The following SCLT1 variants were observed in gnomAD, a reference collection of about 807,000 sequenced individuals.
SCLT1 encodes sodium channel and clathrin linker 1, also known as sodium channel-associated protein 1.
In SCLT1, 78 loss-of-function variants were observed where a neutral mutation model predicts 112.8. The observed-to-expected ratio is 0.69, with a 90% CI of 0.58 to 0.83. SCLT1 has a LOEUF of 0.83. SCLT1 is among the 40% of genes least tolerant of loss of function. The pLI, the probability that SCLT1 is intolerant of heterozygous loss-of-function variation, is 0.00. For synonymous variants in SCLT1, 257 were observed against 254.7 expected (o/e 1.01, Z -0.09); for missense variants, 747 against 770.4 (o/e 0.97, Z 0.36).
chr4:129,055,602 T>G (rs1399135730), intron 2 of SCLT1, among the ~76,000 whole-genome samples: 1 of 152,062 alleles, frequency 6.6e-6, no homozygotes, highest in Admixed American at 6.6e-5. Flanking sequence ...CAAGTCTCAG[T>G]AATGGTGGAT....
intron 2 of SCLT1, among the ~76,000 whole-genome samples, chr4:129,078,147 A>G (rs559511013): frequency 6.6e-6 from 1 of 152,244 alleles, no homozygotes; most frequent in African/African-American, 2.4e-5. Flanking sequence ...TTAGCTTCAC[A>G]AAAGTAAAGC....
intron 9 of SCLT1, among the ~76,000 whole-genome samples, chr4:128,981,432 T>C (rs1741640837): frequency 6.6e-6 from 1 of 152,186 alleles, no homozygotes; most frequent in South Asian, 2.1e-4. Context: ...ACTTCCCCAA[T>C]TACTCTTGAA....
At chr4:128,899,476 C>G (rs899209616) in intron 18 of SCLT1, among the ~76,000 whole-genome samples, 12 of 150,464 alleles carry the variant, frequency 8.0e-5, no homozygotes, top group African/African-American at 2.4e-4. Flanking sequence ...ATTCAACAAC[C>G]ATTCATGCTA....
At chr4:129,092,918 G>T (rs1752979281) in intron 1 of SCLT1, 152 bp downstream of exon 1, 1 of 641,568 alleles carries the variant, frequency 1.6e-6, no homozygotes, top group Non-Finnish European at 2.8e-6. Flanking sequence ...ACATCCTCAC[G>T]TATAACATCA....
chr4:128,929,024 C>T (rs1440296716), intron 18 of SCLT1, among the ~76,000 whole-genome samples: 4 of 152,090 alleles, frequency 2.6e-5, no homozygotes, highest in East Asian at 1.9e-4. Context: ...CTGTGCATTG[C>T]ATTGGAAGTC....
Position 128,943,112 on chromosome 4 carries a change from A to T in SCLT1, c.1516T>A (p.Cys506Ser). The T allele has an allele frequency of 6.2e-7, 1 of 1,612,760 alleles. No individual in the cohort carries two copies. Among genetic ancestry groups the T allele is most frequent in the Non-Finnish European group, 8.5e-7 (1 of 1,179,062 alleles). ...QNVLESEREN[C>S]GLVSEQRLKL... ...AGCCTTTGTTCACTGACAAGCCCAC[A>T]GTTCTCTCTCTCAGACTCCAATACA... is the stretch of plus-strand genomic sequence containing the variant. Residue 506 changes from cysteine to serine, a missense_variant, in exon 17 of 21, where the codon TGT (cysteine) becomes AGT (serine). Around this residue, in one of 2 missense-constraint regions of SCLT1, gnomAD observed 723 missense variants for 721.3 expected, o/e 1.00. Coordinates refer to ENST00000281142, the MANE Select transcript of SCLT1 (RefSeq NM_144643.4).
intron 18 of SCLT1, among the ~76,000 whole-genome samples, chr4:128,919,965 A>T (rs1023806571): frequency 4.6e-5 from 7 of 152,282 alleles, no homozygotes; most frequent in African/African-American, 1.7e-4. Flanking sequence ...ATTCTACCAG[A>T]TGTAAGAGAA....
chr4:129,025,449 A>T (rs1318248234), intron 5 of SCLT1, among the ~76,000 whole-genome samples: 1 of 152,188 alleles, frequency 6.6e-6, no homozygotes, highest in Non-Finnish European at 1.5e-5. Flanking sequence ...CAGCCAAACT[A>T]AGCTTCATAA....
In SCLT1 at chr4:128,884,243, GTTC is replaced by G. The variant is rs2125918079; in HGVS notation, c.*231_*233del. On this transcript the variant is annotated 3_prime_UTR_variant, in exon 21 of 21. Coordinates refer to ENST00000281142, the MANE Select transcript of SCLT1 (RefSeq NM_144643.4). ...ACAGACACATTGATGAAGGCAATGAGTTCTTCTCAGCTGGTTTATTCTCCACTG... is the reference window on the plus strand; with the variant it reads ...ACAGACACATTGATGAAGGCAATGAGTTCTCAGCTGGTTTATTCTCCACTG... The G allele has an allele frequency of 2.8e-6, 1 of 363,148 alleles. No individual in the cohort carries two copies. Among genetic ancestry groups the G allele is most frequent in the Admixed American group, 4.6e-5 (1 of 21,786 alleles). The allele number at this position is 363,148 out of a possible 1,614,324, so 22.5% of individuals were successfully genotyped here.
chr4:129,026,258 C>G (rs1746064663), intron 5 of SCLT1, among the ~76,000 whole-genome samples: 1 of 152,138 alleles, frequency 6.6e-6, no homozygotes, highest in Non-Finnish European at 1.5e-5. Context: ...TTATTTTCAG[C>G]ACCACACCAC....
At chr4:128,962,695 T>C (rs1463784732) in intron 11 of SCLT1, among the ~76,000 whole-genome samples, 1 of 152,220 alleles carries the variant, frequency 6.6e-6, no homozygotes, top group African/African-American at 2.4e-5. Context: ...ACAACTTGTT[T>C]ATCCACCTAT....
At chr4:128,935,978 T>TG (rs1354773219) in intron 18 of SCLT1, among the ~76,000 whole-genome samples, 1 of 152,162 alleles carries the variant, frequency 6.6e-6, no homozygotes, top group African/African-American at 2.4e-5. Context: ...AGCTCATACT[T>TG]AACACCCCAA....
chr4:128,978,255 A>C (rs983055705), intron 9 of SCLT1, among the ~76,000 whole-genome samples: 1 of 152,166 alleles, frequency 6.6e-6, no homozygotes, highest in African/African-American at 2.4e-5. Flanking sequence ...TATGGAACTC[A>C]ACAAAGCAAT....
chr4:129,012,786 C>T (rs1579696928), intron 5 of SCLT1, among the ~76,000 whole-genome samples: 1 of 145,806 alleles, frequency 6.9e-6, no homozygotes, highest in Non-Finnish European at 1.5e-5. Context: ...AATGCCATTT[C>T]TTTTTTTTTT....
chr4:128,938,556 T>A (rs573217587), intron 17 of SCLT1, among the ~76,000 whole-genome samples: 3 of 152,324 alleles, frequency 2.0e-5, no homozygotes, highest in Admixed American at 2.0e-4. Flanking sequence ...TCTGCAAATT[T>A]AGATTGCCTG....
chr4:128,981,549 G>A (rs1741652738), intron 9 of SCLT1, among the ~76,000 whole-genome samples: 1 of 151,974 alleles, frequency 6.6e-6, no homozygotes, highest in Admixed American at 6.6e-5. Context: ...AACCGTTTCT[G>A]TGGCCCCTAC....
At chr4:129,046,607 T>C (rs994256648) in intron 2 of SCLT1, among the ~76,000 whole-genome samples, 1 of 152,162 alleles carries the variant, frequency 6.6e-6, no homozygotes, top group South Asian at 2.1e-4. Context: ...GGGTTGTTCA[T>C]TATTTGACTA....
intron 11 of SCLT1, among the ~76,000 whole-genome samples, chr4:128,963,837 C>T (rs886535237): frequency 2.0e-5 from 3 of 152,048 alleles, no homozygotes; most frequent in Non-Finnish European, 4.4e-5. Context: ...GTGGGAGGGG[C>T]AGGCATATAT....
chr4:129,082,873 A>G (rs981289046), intron 1 of SCLT1, among the ~76,000 whole-genome samples: 6 of 152,170 alleles, frequency 3.9e-5, no homozygotes, highest in African/African-American at 1.4e-4. Flanking sequence ...AAGAAGACCC[A>G]GAATAAAGGT....
Sources: gnomAD v4.1 joint callset for allele counts (sites outside exome capture counted in the v4.1 genomes callset) on GRCh38, gnomAD v4.1.1 for gene constraint, gnomAD v4.1.1 regional missense constraint, MANE v1.5 for transcripts, NCBI Gene and HGNC (gene_info 2026-07-23, HGNC 2026-07-21) for gene names.